Variants in SORCS3 observed in about 807,000 individuals in gnomAD.
SORCS3 encodes the protein VPS10 domain-containing receptor SorCS3.
In SORCS3, 57 loss-of-function variants were observed where a neutral mutation model predicts 146.3. The ratio of observed to expected loss-of-function variants is 0.39; its 90% CI spans 0.31 to 0.49. The LOEUF (loss-of-function observed/expected upper bound fraction) is 0.49. Ranked by LOEUF, SORCS3 falls within the 20% of genes least tolerant of loss-of-function variation. The pLI, the probability that SORCS3 is intolerant of heterozygous loss-of-function variation, is 0.92. For synonymous variants in SORCS3, 653 were observed against 618.5 expected, an observed-to-expected ratio of 1.06 and a Z score of -0.83; for missense variants, 1,341 against 1,575.5, an observed-to-expected ratio of 0.85 and a Z score of 2.52.
intron 7 of SORCS3, among the ~76,000 whole-genome samples, chr10:105,125,995 C>T (rs920179697): frequency 9.2e-5 from 14 of 151,936 alleles, no homozygotes; most frequent in Non-Finnish European, 1.6e-4. Context: ...GTTTTCACAA[C>T]GAAGGACAAA....
intron 1 of SORCS3, among the ~76,000 whole-genome samples, chr10:104,828,689 C>G (rs887222063): frequency 1.3e-5 from 2 of 152,154 alleles, no homozygotes; most frequent in African/African-American, 4.8e-5. Context: ...ACCACAGTAT[C>G]TGTGAAGTGC....
At chr10:105,154,489 G>A (rs78415573) in intron 9 of SORCS3, among the ~76,000 whole-genome samples, 11,195 of 152,262 alleles carry the variant, frequency 0.074, 600 homozygotes, top group Admixed American at 0.15. Flanking sequence ...GGGCCACACA[G>A]GCTAGACACC....
intron 1 of SORCS3, among the ~76,000 whole-genome samples, chr10:104,828,082 T>C (rs1482147418): frequency 6.6e-6 from 1 of 152,206 alleles, no homozygotes; most frequent in Non-Finnish European, 1.5e-5. Flanking sequence ...AGGCTGTTTT[T>C]CTTTTCACGT....
chr10:105,037,461 C>T (rs555068550), intron 4 of SORCS3, among the ~76,000 whole-genome samples: 1 of 152,320 alleles, frequency 6.6e-6, no homozygotes, highest in Admixed American at 6.5e-5. Context: ...CCCTGTGAAG[C>T]ATTTAGGGGA....
At chr10:104,706,387 T>A in intron 1 of SORCS3, among the ~76,000 whole-genome samples, 1 of 151,870 alleles carries the variant, frequency 6.6e-6, no homozygotes. Flanking sequence ...TTTTGTATTT[T>A]TAGTAGAGAC....
chr10:105,152,822 G>A (rs1267746181), intron 9 of SORCS3, among the ~76,000 whole-genome samples: 1 of 152,092 alleles, frequency 6.6e-6, no homozygotes, highest in African/African-American at 2.4e-5. Flanking sequence ...TTGTGCCTGT[G>A]AGATTACAGA....
chr10:105,075,444 G>T (rs939276515), intron 5 of SORCS3, among the ~76,000 whole-genome samples: 1 of 152,140 alleles, frequency 6.6e-6, no homozygotes, highest in Admixed American at 6.6e-5. Flanking sequence ...TCCTTCATCT[G>T]CCCATGCCCT....
chr10:104,935,233 G>A (rs2019248796), intron 3 of SORCS3, among the ~76,000 whole-genome samples: 1 of 152,142 alleles, frequency 6.6e-6, no homozygotes, highest in African/African-American at 2.4e-5. Flanking sequence ...TGATGACCTA[G>A]GTTATGAACT....
intron 1 of SORCS3, among the ~76,000 whole-genome samples, chr10:104,685,448 C>T (rs1014175110): frequency 2.0e-5 from 3 of 152,154 alleles, no homozygotes; most frequent in Admixed American, 2.0e-4. Flanking sequence ...GGGATCAGCT[C>T]TCCCTGCCCA....
Position 104,680,220 on chromosome 10 carries a change from G to C in SORCS3, c.627+38266G>C, listed in dbSNP as rs766107734. On this transcript the variant is annotated intron_variant, in intron 1 of 26. Coordinates refer to ENST00000369701, the MANE Select transcript of SORCS3 (RefSeq NM_014978.3). ...CCAAGGAGCTCACTGTTGAGTCCTAGATGAGGCAGCTGCATGAATCAGCCA... is the reference window on the plus strand; with the variant it reads ...CCAAGGAGCTCACTGTTGAGTCCTACATGAGGCAGCTGCATGAATCAGCCA... Among the ~76,000 whole-genome samples, 53 of 152,206 alleles carry C rather than the reference G, an allele frequency of 3.5e-4. 1 individual carries two copies. Among genetic ancestry groups the C allele is most frequent in the Admixed American group, 1.2e-3 (18 of 15,286 alleles).
intron 3 of SORCS3, among the ~76,000 whole-genome samples, chr10:104,916,594 TG>T (rs1393041800): frequency 6.6e-6 from 1 of 152,158 alleles, no homozygotes; most frequent in Non-Finnish European, 1.5e-5. Context: ...CTGGATTCTG[TG>T]GAACAATGGG....
chr10:104,877,437 C>T (rs2018587648), intron 2 of SORCS3, among the ~76,000 whole-genome samples: 1 of 152,088 alleles, frequency 6.6e-6, no homozygotes, highest in Non-Finnish European at 1.5e-5. Context: ...CTTACAGTGC[C>T]TCTCATGAAG....
chr10:105,205,110 G>A (rs1179514061), intron 16 of SORCS3, among the ~76,000 whole-genome samples: 1 of 152,110 alleles, frequency 6.6e-6, no homozygotes, highest in Non-Finnish European at 1.5e-5. Context: ...AAGTTCATTT[G>A]ATTGATCTAG....
At chr10:104,896,968 T>C (rs1187443806) in intron 2 of SORCS3, among the ~76,000 whole-genome samples, 3 of 152,278 alleles carry the variant, frequency 2.0e-5, no homozygotes, top group South Asian at 2.1e-4. Context: ...ATGGGAATTA[T>C]GGAGAGCAAG....
In SORCS3 at chr10:104,931,792, C is replaced by T. The variant is rs1006544283; in HGVS notation, c.795+15860C>T. 3.3e-5 allele frequency among the ~76,000 whole-genome samples: 5 copies of T among 152,266 alleles called. No individual in the cohort carries two copies. In the South Asian group the frequency reaches 8.3e-4, roughly 25 times the overall value. On this transcript the variant is annotated intron_variant, in intron 3 of 26. Coordinates refer to ENST00000369701, the MANE Select transcript of SORCS3 (RefSeq NM_014978.3). ...TATGCAGGGACAGTAGCAGGAGAGG[C>T]ACTTGACTGATTAAAGCAGTTAGGC...
At chr10:104,995,944 A>G (rs747326592) in intron 4 of SORCS3, among the ~76,000 whole-genome samples, 7 of 152,240 alleles carry the variant, frequency 4.6e-5, no homozygotes, top group Non-Finnish European at 8.8e-5. Flanking sequence ...AGTGCAAGAT[A>G]TAGATCAAAG....
chr10:105,153,465 G>A (rs2056181864), intron 9 of SORCS3, among the ~76,000 whole-genome samples: 1 of 152,158 alleles, frequency 6.6e-6, no homozygotes, highest in Non-Finnish European at 1.5e-5. Flanking sequence ...ATACTTAGGA[G>A]TAGGATTGCT....
chr10:104,972,631 A>C (rs1190002422), intron 3 of SORCS3, among the ~76,000 whole-genome samples: 1 of 152,002 alleles, frequency 6.6e-6, no homozygotes. Flanking sequence ...GGGGAGAGAG[A>C]GAGAAAGAGA....
chr10:104,976,631 A>G (rs1159212945), intron 3 of SORCS3, among the ~76,000 whole-genome samples: 4 of 152,208 alleles, frequency 2.6e-5, no homozygotes, highest in East Asian at 1.9e-4. Context: ...TTGCAGCACT[A>G]TTCACAATAG....
Sources: allele counts gnomAD v4.1 joint callset (sites outside exome capture counted in the v4.1 genomes callset), GRCh38; gene constraint gnomAD v4.1.1; transcripts MANE v1.5; gene names NCBI Gene and HGNC (gene_info 2026-07-23, HGNC 2026-07-21).